Variants in OPCML observed in about 807,000 individuals in gnomAD.
OPCML encodes the protein opioid-binding protein/cell adhesion molecule.
In OPCML, 13 loss-of-function variants were observed where a neutral mutation model predicts 37.8. The ratio of observed to expected loss-of-function variants is 0.34; its 90% CI spans 0.22 to 0.55. The LOEUF (loss-of-function observed/expected upper bound fraction) is 0.55, where lower values mean the gene tolerates loss of function less well. Among genes scored for constraint, OPCML ranks in the 20% least tolerant of loss-of-function variants. The pLI, the probability that OPCML is intolerant of heterozygous loss-of-function variation, is 0.91. For synonymous variants in OPCML, 176 were observed against 168.8 expected, an observed-to-expected ratio of 1.04 and a Z score of -0.33; for missense variants, 341 against 435.6, an observed-to-expected ratio of 0.78 and a Z score of 1.93.
chr11:133,096,002 T>C (rs1272605127), intron 1 of OPCML, among the ~76,000 whole-genome samples: 3 of 152,120 alleles, frequency 2.0e-5, no homozygotes, highest in African/African-American at 7.2e-5. Context: ...GAAACTCAGA[T>C]CTACATAAAG....
intron 1 of OPCML, among the ~76,000 whole-genome samples, chr11:133,274,428 A>T (rs962952042): frequency 2.0e-5 from 3 of 152,206 alleles, no homozygotes; most frequent in Non-Finnish European, 4.4e-5. Flanking sequence ...CAGGGACTGA[A>T]GTGCTGAGCC....
intron 1 of OPCML, among the ~76,000 whole-genome samples, chr11:133,400,837 T>G (rs573812106): frequency 6.6e-6 from 1 of 152,240 alleles, no homozygotes; most frequent in South Asian, 2.1e-4. Flanking sequence ...CCTAAGGTAG[T>G]AGGTTCCTGA....
At chr11:133,061,659 C>T (rs1248100156) in intron 1 of OPCML, among the ~76,000 whole-genome samples, 1 of 152,192 alleles carries the variant, frequency 6.6e-6, no homozygotes, top group Non-Finnish European at 1.5e-5. Flanking sequence ...GGCAAGGAAC[C>T]TGATTTTGAA....
chr11:132,527,027 T>C (rs1164804547), intron 4 of OPCML, among the ~76,000 whole-genome samples: 2 of 152,174 alleles, frequency 1.3e-5, no homozygotes, highest in African/African-American at 4.8e-5. Context: ...AGCATGCCGT[T>C]TTTGAGATTT....
At chr11:132,851,122 C>T (rs535864008) in intron 2 of OPCML, among the ~76,000 whole-genome samples, 1 of 152,260 alleles carries the variant, frequency 6.6e-6, no homozygotes, top group African/African-American at 2.4e-5. Flanking sequence ...GTCAGAAGTG[C>T]CTGTGACTTT....
chr11:132,707,233 G>C (rs188431056), intron 2 of OPCML, among the ~76,000 whole-genome samples: 1 of 152,144 alleles, frequency 6.6e-6, no homozygotes, highest in Non-Finnish European at 1.5e-5. Flanking sequence ...AGCAATATAC[G>C]GAACTGTATC....
At chr11:133,497,375 C>A (rs1216988797) in intron 1 of OPCML, among the ~76,000 whole-genome samples, 1 of 152,034 alleles carries the variant, frequency 6.6e-6, no homozygotes, top group Non-Finnish European at 1.5e-5. Context: ...ATAGTTTTTT[C>A]TTTAAGCTAT....
chr11:133,267,854 GTGACTT>G (rs1356235140), intron 1 of OPCML, among the ~76,000 whole-genome samples: 4 of 152,160 alleles, frequency 2.6e-5, no homozygotes, highest in African/African-American at 9.7e-5. Context: ...CATGTAAGAT[GTGACTT>G]TGCTCCTCCT....
rs1210865043 is a variant in OPCML, at chr11:133,410,599, T to C, written c.61+121665A>G. Among the ~76,000 whole-genome samples, 6 of 144,796 alleles carry C rather than the reference T, an allele frequency of 4.1e-5. No individual in the cohort carries two copies. In the East Asian group the frequency reaches 1.2e-3, roughly 29 times the overall value. The allele number at this position is 144,796 out of a possible 152,430, so 95.0% of individuals were successfully genotyped here. On this transcript the variant is annotated intron_variant, in intron 1 of 7. Coordinates refer to ENST00000524381, the MANE Select transcript of OPCML (RefSeq NM_001012393.5). ...TTGTGGGGTTTTTGTTGCTTTTTTTTTTCTTTGAGTGAAAGCACACGTTAA... is the reference window on the plus strand; with the variant it reads ...TTGTGGGGTTTTTGTTGCTTTTTTTCTTCTTTGAGTGAAAGCACACGTTAA...
intron 1 of OPCML, among the ~76,000 whole-genome samples, chr11:133,429,343 G>A (rs1565629161): frequency 1.3e-5 from 2 of 152,172 alleles, no homozygotes; most frequent in Non-Finnish European, 2.9e-5. Context: ...AATGGGACCA[G>A]AGACAGACTG....
chr11:132,737,190 GT>G (rs1467648332), intron 2 of OPCML, among the ~76,000 whole-genome samples: 1 of 152,178 alleles, frequency 6.6e-6, no homozygotes, highest in African/African-American at 2.4e-5. Context: ...GGAGGTCAAA[GT>G]TTATAAAAAT....
At chr11:132,863,945 T>C (rs1265227472) in intron 2 of OPCML, among the ~76,000 whole-genome samples, 1 of 90,174 alleles carries the variant, frequency 1.1e-5, no homozygotes, top group Non-Finnish European at 2.8e-5. Context: ...TATTTATTTG[T>C]TTATTTTTTT....
intron 7 of OPCML, among the ~76,000 whole-genome samples, chr11:132,432,454 CTT>C (rs560160063): frequency 7.6e-4 from 115 of 152,284 alleles, no homozygotes; most frequent in Non-Finnish European, 1.4e-3. Context: ...AACCAAACAT[CTT>C]ATCCAAAATG....
At chr11:133,350,505 C>G (rs1944111368) in intron 1 of OPCML, among the ~76,000 whole-genome samples, 1 of 152,076 alleles carries the variant, frequency 6.6e-6, no homozygotes, top group South Asian at 2.1e-4. Context: ...AAATGGAGAT[C>G]CCAATGTGAA....
intron 2 of OPCML, among the ~76,000 whole-genome samples, chr11:132,824,119 T>C (rs891397048): frequency 1.3e-5 from 2 of 152,180 alleles, no homozygotes; most frequent in Non-Finnish European, 1.5e-5. Flanking sequence ...CCTGAATGCT[T>C]ACTGGATCTC....
At chr11:132,448,295 C>T (rs1211692957) in intron 4 of OPCML, among the ~76,000 whole-genome samples, 1 of 152,166 alleles carries the variant, frequency 6.6e-6, no homozygotes, top group Admixed American at 6.5e-5. Context: ...ACAATGATGC[C>T]AACCATCAGC....
At chr11:133,146,123 A>T (rs1949893314) in intron 1 of OPCML, among the ~76,000 whole-genome samples, 1 of 152,146 alleles carries the variant, frequency 6.6e-6, no homozygotes, top group Admixed American at 6.5e-5. Context: ...GTGCTGCCAG[A>T]TAAATCACTC....
chr11:132,819,903 G>T (rs577641753), intron 2 of OPCML, among the ~76,000 whole-genome samples: 1 of 152,146 alleles, frequency 6.6e-6, no homozygotes, highest in Admixed American at 6.5e-5. Context: ...GTCAGAATGC[G>T]GCAGGGCTTC....
chr11:132,829,793 A>G (rs912844193), intron 2 of OPCML, among the ~76,000 whole-genome samples: 5 of 152,182 alleles, frequency 3.3e-5, no homozygotes, highest in African/African-American at 1.2e-4. Context: ...TTCCTCTTTT[A>G]GAATTAAAGT....
Sources: gnomAD v4.1 joint callset for allele counts (sites outside exome capture counted in the v4.1 genomes callset) on GRCh38, gnomAD v4.1.1 for gene constraint, MANE v1.5 for transcripts, NCBI Gene and HGNC (gene_info 2026-07-23, HGNC 2026-07-21) for gene names.